PRIM2: variants seen among roughly 807,000 people sequenced by gnomAD.
PRIM2 encodes the protein DNA primase large subunit.
A neutral mutation model predicts 67.3 loss-of-function variants in PRIM2; 39 were observed. The observed-to-expected ratio is 0.58, with a 90% confidence interval of 0.45 to 0.76. PRIM2 has a LOEUF of 0.76. Among genes scored for constraint, PRIM2 ranks in the 30% least tolerant of loss-of-function variants. The probability of loss-of-function intolerance (pLI) is 0.00; values close to 1 mark genes in which losing one functional copy is unlikely to be tolerated. For missense variants in PRIM2, 398 were observed against 598.7 expected, an observed-to-expected ratio of 0.66 and a Z score of 3.50; for synonymous variants, 143 against 198.7, an observed-to-expected ratio of 0.72 and a Z score of 2.36.
chr6:57,234,482 A>G, the PRIM2 span, among the ~76,000 whole-genome samples: 1 of 152,176 alleles, frequency 6.6e-6, no homozygotes, highest in Non-Finnish European at 1.5e-5. Context: ...GGCTTTAATA[A>G]TAATTTTAGT....
At chr6:57,567,243 G>T (rs1775762162) in intron 10 of PRIM2, among the ~76,000 whole-genome samples, 1 of 152,096 alleles carries the variant, frequency 6.6e-6, no homozygotes, top group Non-Finnish European at 1.5e-5. Context: ...TTGTGTTTTA[G>T]ATTTTTTGTG....
chr6:57,580,207 G>C (rs1296549390), intron 10 of PRIM2, among the ~76,000 whole-genome samples: 1 of 152,042 alleles, frequency 6.6e-6, no homozygotes, highest in Non-Finnish European at 1.5e-5. Context: ...AGGAATTTGA[G>C]ACCTGCCCCG....
chr6:57,565,938 G>C (rs1298871266), intron 10 of PRIM2, among the ~76,000 whole-genome samples: 7 of 152,034 alleles, frequency 4.6e-5, no homozygotes, highest in Admixed American at 3.3e-4. Flanking sequence ...TTTTGTTTTT[G>C]TTTTTACATC....
At chr6:57,531,173 G>A (rs1774880601) in intron 8 of PRIM2, among the ~76,000 whole-genome samples, 1 of 152,096 alleles carries the variant, frequency 6.6e-6, no homozygotes, top group African/African-American at 2.4e-5. Context: ...TTGTTTTTTT[G>A]AGACAGTCTC....
intron 10 of PRIM2, among the ~76,000 whole-genome samples, chr6:57,564,435 G>A (rs1486625016): frequency 6.6e-6 from 1 of 152,148 alleles, no homozygotes; most frequent in Non-Finnish European, 1.5e-5. Flanking sequence ...AACATGTAAT[G>A]TATTGTCTCC....
At chr6:57,546,516 T>C (rs1295713659) in intron 10 of PRIM2, among the ~76,000 whole-genome samples, 3 of 152,128 alleles carry the variant, frequency 2.0e-5, no homozygotes, top group Non-Finnish European at 4.4e-5. Context: ...ACACAAAACA[T>C]CGTTAACTCT....
At chr6:57,642,458 T>A (rs1777258551) in intron 13 of PRIM2, among the ~76,000 whole-genome samples, 1 of 131,226 alleles carries the variant, frequency 7.6e-6, no homozygotes, top group Non-Finnish European at 1.7e-5. Context: ...TTTTTTTTTT[T>A]TTGAGACGGA....
intron 10 of PRIM2, among the ~76,000 whole-genome samples, chr6:57,584,247 A>G (rs1165300245): frequency 6.6e-6 from 1 of 152,208 alleles, no homozygotes; most frequent in Admixed American, 6.5e-5. Flanking sequence ...GTATACTGAA[A>G]AAGATGAAAC....
At chr6:57,238,278 T>C in the PRIM2 span, among the ~76,000 whole-genome samples, 2 of 152,124 alleles carry the variant, frequency 1.3e-5, no homozygotes, top group African/African-American at 4.8e-5. Flanking sequence ...CAGCACCACA[T>C]CACACTTATT....
chr6:57,309,757 G>C, the PRIM2 span, among the ~76,000 whole-genome samples: 264 of 152,250 alleles, frequency 1.7e-3, 1 homozygote, highest in African/African-American at 6.1e-3. Context: ...TTCCACAATG[G>C]TTGAACTAGT....
chr6:57,554,302 G>A (rs1455297444), intron 10 of PRIM2, among the ~76,000 whole-genome samples: 9 of 146,382 alleles, frequency 6.1e-5, no homozygotes, highest in Admixed American at 3.4e-4. Flanking sequence ...AAAGCTTTAT[G>A]TGATTTTTTA....
chr6:57,511,563 T>A (rs1230023812), intron 8 of PRIM2, among the ~76,000 whole-genome samples: 1 of 152,206 alleles, frequency 6.6e-6, no homozygotes, highest in Non-Finnish European at 1.5e-5. Flanking sequence ...GGGCCATAAC[T>A]TAATTGTTTT....
chr6:57,367,693 C>T (rs1224197943), intron 5 of PRIM2, among the ~76,000 whole-genome samples: 1 of 152,212 alleles, frequency 6.6e-6, no homozygotes, highest in East Asian at 1.9e-4. Flanking sequence ...CAGCTTTACT[C>T]ACATGCTTGT....
intron 5 of PRIM2, among the ~76,000 whole-genome samples, chr6:57,361,447 G>A (rs1322229846): frequency 2.6e-5 from 4 of 151,064 alleles, no homozygotes; most frequent in Non-Finnish European, 5.9e-5. Context: ...TAAGATAAAT[G>A]TGTGAGTAGC....
intron 7 of PRIM2, among the ~76,000 whole-genome samples, chr6:57,460,485 A>G (rs1420877535): frequency 6.6e-6 from 1 of 152,144 alleles, no homozygotes; most frequent in East Asian, 1.9e-4. Context: ...TAATGCTCGT[A>G]AGTTCTGTCT....
At chr6:57,430,981 A>T (rs1433499418) in intron 7 of PRIM2, among the ~76,000 whole-genome samples, 1 of 152,158 alleles carries the variant, frequency 6.6e-6, no homozygotes, top group Admixed American at 6.5e-5. Context: ...GTTTTTGAAG[A>T]TCTATTATCC....
chr6:57,601,515 C>T (rs1776466851), intron 11 of PRIM2, among the ~76,000 whole-genome samples: 1 of 152,178 alleles, frequency 6.6e-6, no homozygotes, highest in African/African-American at 2.4e-5. Flanking sequence ...CTGCAGTGTT[C>T]TGCGAGTGTC....
At chr6:57,501,810 T>C (rs1389812215) in intron 7 of PRIM2, among the ~76,000 whole-genome samples, 2 of 152,232 alleles carry the variant, frequency 1.3e-5, no homozygotes, top group African/African-American at 2.4e-5. Flanking sequence ...CTGAGTCTTA[T>C]TTGAATACAG....
chr6:57,295,641 C>A, the PRIM2 span, among the ~76,000 whole-genome samples: 4 of 152,058 alleles, frequency 2.6e-5, no homozygotes, highest in African/African-American at 9.7e-5. Context: ...TACAAATTTC[C>A]CAGGTACTAA....
Sources: gnomAD v4.1 joint callset for allele counts (sites outside exome capture counted in the v4.1 genomes callset) on GRCh38, gnomAD v4.1.1 for gene constraint, MANE v1.5 for transcripts, NCBI Gene and HGNC (gene_info 2026-07-23, HGNC 2026-07-21) for gene names.